The following TNPO3 variants were observed in gnomAD, a reference collection of about 807,000 sequenced individuals.
The protein encoded by TNPO3 is transportin 3, also known as transportin-3.
Under a neutral mutation model 122.8 loss-of-function variants are expected in TNPO3, and 65 were observed. The ratio of observed to expected loss-of-function variants is 0.53; its 90% CI spans 0.43 to 0.65. The LOEUF is 0.65. Ranked by LOEUF, TNPO3 falls within the 30% of genes least tolerant of loss-of-function variation. TNPO3 has a pLI of 0.00. For synonymous variants in TNPO3, 372 were observed against 411.2 expected (o/e 0.90, Z 1.15); for missense variants, 850 against 1,136.7 (o/e 0.75, Z 3.63).
intron 16 of TNPO3, among the ~76,000 whole-genome samples, chr7:128,978,261 C>T (rs928244347): frequency 6.6e-6 from 1 of 152,214 alleles, no homozygotes; most frequent in Admixed American, 6.5e-5. Context: ...ATCATAATTA[C>T]ATATCAATCT....
intron 1 of TNPO3, among the ~76,000 whole-genome samples, chr7:129,051,791 G>A (rs768269383): frequency 4.6e-5 from 7 of 151,996 alleles, no homozygotes; most frequent in African/African-American, 9.7e-5. Flanking sequence ...CTACAGGTGC[G>A]CACCACCACG....
In TNPO3 at chr7:128,982,627, T is replaced by C. The variant is rs561400545; in HGVS notation, c.1783-303A>G. ...TCCCATTTACCTTAATTATTATTATTACATATTACATAATATAGATTGTAT... is the reference window on the plus strand; with the variant it reads ...TCCCATTTACCTTAATTATTATTATCACATATTACATAATATAGATTGTAT... On this transcript the variant is annotated intron_variant, in intron 13 of 22. Coordinates refer to ENST00000265388, the MANE Select transcript of TNPO3 (RefSeq NM_012470.4). Among the ~76,000 whole-genome samples, 555 of 152,124 alleles carry C rather than the reference T, an allele frequency of 3.6e-3. 2 individuals carry two copies. Among genetic ancestry groups the C allele is most frequent in the Non-Finnish European group, 6.9e-3 (467 of 67,982 alleles).
chr7:129,020,216 C>G (rs895773216), intron 1 of TNPO3, among the ~76,000 whole-genome samples: 1 of 151,176 alleles, frequency 6.6e-6, no homozygotes, highest in Non-Finnish European at 1.5e-5. Context: ...AACTTCTTTA[C>G]AGATATAGTA....
intron 1 of TNPO3, among the ~76,000 whole-genome samples, chr7:129,022,018 A>G (rs746399626): frequency 1.3e-5 from 2 of 152,170 alleles, no homozygotes; most frequent in Admixed American, 6.5e-5. Context: ...TATCTAACAT[A>G]TAGACAACAG....
chr7:129,022,147 G>C (rs1804593913), intron 1 of TNPO3, among the ~76,000 whole-genome samples: 1 of 152,182 alleles, frequency 6.6e-6, no homozygotes, highest in African/African-American at 2.4e-5. Context: ...CATTTTAGGA[G>C]GTGGAGGTGG....
chr7:128,972,936 G>T (rs948637766), intron 18 of TNPO3, among the ~76,000 whole-genome samples: 1 of 152,080 alleles, frequency 6.6e-6, no homozygotes, highest in Non-Finnish European at 1.5e-5. Context: ...GGCTGTGTGT[G>T]TTAGGAGGGA....
At position 128,982,265 on chromosome 7, in the gene TNPO3, G is replaced by T. The variant is rs891112279; in HGVS notation, c.1842C>A (p.Arg614=). Residue 614 remains arginine (R), a synonymous_variant, in exon 14 of 23, where the codon CGC becomes CGA. Transcript: ENST00000265388. The stretch of plus-strand genomic sequence containing the variant: ...TTTCTTACCTAAATATCACTGCAAG[G>T]CGATCTAAGAACACTGTGGGATCTG... The part of the protein sequence containing the change: ...ISSDPTVFLD[R]LAVIFRHTNP... The T allele has an allele frequency of 1.9e-6, 3 of 1,613,058 alleles. No homozygotes were observed. The highest frequency in any genetic ancestry group is 1.7e-5 in the Admixed American group (1 of 59,972).
chr7:128,958,117 A>C (rs1276130247), intron 21 of TNPO3, among the ~76,000 whole-genome samples: 1 of 149,086 alleles, frequency 6.7e-6, no homozygotes, highest in Non-Finnish European at 1.5e-5. Context: ...AAGCTAAAGC[A>C]GTGGAGAAGG....
At chr7:128,967,061 C>T (rs889741543) in intron 21 of TNPO3, among the ~76,000 whole-genome samples, 1 of 152,080 alleles carries the variant, frequency 6.6e-6, no homozygotes, top group African/African-American at 2.4e-5. Flanking sequence ...CTCCACTTAC[C>T]GTTAAAAAAT....
rs886043402 is a variant in TNPO3 at position 128,982,297 on chromosome 7, T to C, written c.1810A>G (p.Ile604Val). 21 of 1,613,326 alleles carry C rather than the reference T, an allele frequency of 1.3e-5. No homozygotes were observed. Among genetic ancestry groups the C allele is most frequent in the East Asian group, 1.1e-4 (5 of 44,848 alleles). The change falls in exon 14 of 23, where the codon ATA becomes GTA. Residue 604 changes from isoleucine (I) to valine (V), a missense_variant. Coordinates refer to ENST00000265388, the MANE Select transcript of TNPO3 (RefSeq NM_012470.4). The stretch of plus-strand genomic sequence containing the variant: ...AAGAACACTGTGGGATCTGAGGATA[T>C]GCCATTGCTGGGCTCTTGAGACAAC... ...KLLSQEPSNG[I>V]SSDPTVFLDR... is the part of the protein sequence containing the mutation.
chr7:129,028,781 C>T (rs1805565961), intron 1 of TNPO3: 1 of 246,892 alleles, frequency 4.1e-6, no homozygotes, highest in African/African-American at 2.3e-5. Context: ...GCACAAGAGG[C>T]AGGATTTGGA....
intron 1 of TNPO3, among the ~76,000 whole-genome samples, chr7:129,034,718 T>A (rs1004817690): frequency 6.9e-6 from 1 of 144,788 alleles, no homozygotes; most frequent in Non-Finnish European, 1.5e-5. Flanking sequence ...TGAAACCCCA[T>A]CTCTACTAAA....
chr7:129,015,204 C>T, intron 3 of TNPO3, 69 bp from the exon 4 acceptor site: 2 of 1,522,626 alleles, frequency 1.3e-6, no homozygotes, highest in Non-Finnish European at 1.8e-6. Context: ...AGATAACAGC[C>T]ATCAGAGTAA....
Position 128,970,243 on chromosome 7 carries a change from T to C in TNPO3, c.2503A>G (p.Ser835Gly), listed in dbSNP as rs1295494267. 11 of 1,613,908 alleles carry C rather than the reference T, an allele frequency of 6.8e-6. No individual in the cohort carries two copies. The highest frequency in any genetic ancestry group is 9.3e-6 in the Non-Finnish European group (11 of 1,179,918). The change falls in exon 20 of 23, where the codon AGC (serine) becomes GGC (glycine). Residue 835 changes from serine (S) to glycine (G), a missense_variant. Coordinates refer to ENST00000265388, the MANE Select transcript of TNPO3 (RefSeq NM_012470.4). ...AAGCAGCAGGTGTGCAGCAGCTGGC[T>C]GACAAGCTGCTGTCCAAGCTGGTTC... ...VMNQLGQQLV[S>G]QLLHTCCFCL... is the part of the protein sequence containing the mutation.
At chr7:128,965,038 T>C (rs1283583924) in intron 21 of TNPO3, among the ~76,000 whole-genome samples, 4 of 152,124 alleles carry the variant, frequency 2.6e-5, no homozygotes, top group African/African-American at 9.7e-5. Flanking sequence ...CTGGCAATGA[T>C]TTCCTAGATA....
chr7:129,013,228 G>A (rs1187234664), intron 4 of TNPO3, among the ~76,000 whole-genome samples: 3 of 151,992 alleles, frequency 2.0e-5, no homozygotes, highest in African/African-American at 7.2e-5. Flanking sequence ...ACATTGATCT[G>A]GGCAAAGATC....
At chr7:129,001,329 G>A (rs936479743) in intron 5 of TNPO3, 95 bp from the exon 6 acceptor site, 25 of 997,650 alleles carry the variant, frequency 2.5e-5, no homozygotes, top group East Asian at 2.0e-4. Flanking sequence ...ATCAACCATC[G>A]ATAGAAAATA....
intron 4 of TNPO3, among the ~76,000 whole-genome samples, chr7:129,005,517 T>A (rs1452324367): frequency 1.3e-5 from 2 of 152,188 alleles, no homozygotes; most frequent in Admixed American, 1.3e-4. Flanking sequence ...GGTGACTGAA[T>A]CATGGGAATG....
At chr7:128,962,087 C>T (rs1045435924) in intron 21 of TNPO3, among the ~76,000 whole-genome samples, 1 of 152,072 alleles carries the variant, frequency 6.6e-6, no homozygotes, top group African/African-American at 2.4e-5. Context: ...GGGAATTGGC[C>T]AGGCGCGGTG....
Sources: allele counts gnomAD v4.1 joint callset (sites outside exome capture counted in the v4.1 genomes callset), GRCh38; gene constraint gnomAD v4.1.1; transcripts MANE v1.5; gene names NCBI Gene and HGNC (gene_info 2026-07-23, HGNC 2026-07-21).